The following SH3D19 variants were observed in gnomAD, a reference collection of about 807,000 sequenced individuals.
SH3D19 encodes the protein SH3 domain-containing protein 19.
In SH3D19, 58 loss-of-function variants were observed where a neutral mutation model predicts 112.1. The observed-to-expected ratio is 0.52, with a 90% CI of 0.42 to 0.64. The LOEUF (loss-of-function observed/expected upper bound fraction) is 0.64, where lower values mean the gene tolerates loss of function less well. Ranked by LOEUF, SH3D19 falls within the 30% of genes least tolerant of loss-of-function variation. The pLI is 0.00. For missense variants in SH3D19, 1,090 were observed against 1,263.4 expected, an observed-to-expected ratio of 0.86 and a Z score of 2.08; for synonymous variants, 391 against 448.5, an observed-to-expected ratio of 0.87 and a Z score of 1.62.
At chr4:151,203,062 G>A (rs1054709937) in intron 2 of SH3D19, among the ~76,000 whole-genome samples, 1 of 152,144 alleles carries the variant, frequency 6.6e-6, no homozygotes, top group Non-Finnish European at 1.5e-5. Context: ...TGTGACTGTT[G>A]GTGGTGGGGT....
intron 1 of SH3D19, among the ~76,000 whole-genome samples, chr4:151,301,384 C>A (rs1728406928): frequency 6.6e-6 from 1 of 152,358 alleles, no homozygotes; most frequent in Non-Finnish European, 1.5e-5. Context: ...TGTGCCACCA[C>A]ACCCAGCTAA....
chr4:151,144,925 A>G (rs533686388), intron 11 of SH3D19, among the ~76,000 whole-genome samples: 1 of 152,324 alleles, frequency 6.6e-6, no homozygotes, highest in Non-Finnish European at 1.5e-5. Flanking sequence ...TCTGTACTAT[A>G]TAAAAGGCAT....
intron 1 of SH3D19, among the ~76,000 whole-genome samples, chr4:151,277,388 C>G (rs946660584): frequency 6.6e-6 from 1 of 152,076 alleles, no homozygotes; most frequent in African/African-American, 2.4e-5. Flanking sequence ...TTCCAATGCT[C>G]CCGATTGGAA....
chr4:151,159,142 A>T (rs1756697898), intron 9 of SH3D19, 98 bp downstream of exon 9: 1 of 641,102 alleles, frequency 1.6e-6, no homozygotes, highest in East Asian at 3.3e-5. Context: ...CTTGTTTTTA[A>T]TCTGACCAGT....
intron 1 of SH3D19, among the ~76,000 whole-genome samples, chr4:151,256,000 C>A (rs566301044): frequency 2.2e-5 from 2 of 88,906 alleles, no homozygotes; most frequent in African/African-American, 8.0e-5. Context: ...AGAGGGAGAC[C>A]GTGGAAAGAG....
In SH3D19 at chr4:151,220,850, T is replaced by G. The variant is rs150721341; in HGVS notation, c.152+5197A>C. On this transcript the variant is annotated intron_variant, in intron 2 of 19. Transcript: ENST00000604030. ...TCACCATTTCATAAACTTTTCTGCA[T>G]ATTAACACTTATTTCTTGACATACT... Among the ~76,000 whole-genome samples, 58 of 152,342 alleles carry G rather than the reference T, an allele frequency of 3.8e-4. No individual in the cohort carries two copies. In the East Asian group the frequency reaches 0.011, roughly 28 times the overall value.
intron 1 of SH3D19, chr4:151,291,052 C>G: frequency 7.9e-7 from 1 of 1,261,390 alleles, no homozygotes; most frequent in South Asian, 1.4e-5. Context: ...ATTCTCCACC[C>G]CTTATTACTA....
chr4:151,264,096 T>C (rs901559893), intron 1 of SH3D19, among the ~76,000 whole-genome samples: 1 of 152,000 alleles, frequency 6.6e-6, no homozygotes, highest in African/African-American at 2.4e-5. Flanking sequence ...TGGGCAACCA[T>C]GCCTGGCCAG....
At chr4:151,305,040 G>A (rs775785561) in intron 1 of SH3D19, among the ~76,000 whole-genome samples, 14 of 152,174 alleles carry the variant, frequency 9.2e-5, no homozygotes, top group Non-Finnish European at 1.9e-4. Context: ...TGAAAATTCA[G>A]TGTCATGCAT....
At chr4:151,179,158 T>C (rs1179683142) in intron 4 of SH3D19, among the ~76,000 whole-genome samples, 197 bp downstream of exon 4, 1 of 152,200 alleles carries the variant, frequency 6.6e-6, no homozygotes, top group East Asian at 1.9e-4. Context: ...CAAAAGAACA[T>C]TTTCAAGCCT....
chr4:151,137,861 C>T lies in SH3D19; in HGVS notation c.2298G>A (p.Glu766=), dbSNP rs1349297311. Residue 766 remains glutamate, a splice_region_variant and synonymous_variant, in exon 14 of 20, where the codon GAG becomes GAA. Transcript: ENST00000604030. ...HAVVLHDFPA[E]QVDDLNLTSG... is the part of the protein sequence containing the mutation. ...AAGTGAGGTTCAAATCATCAACTTG[C>T]TCTGTAATATAAAATTATAGTTATG... 1 of 1,592,314 alleles carries T rather than the reference C, an allele frequency of 6.3e-7. No individual in the cohort carries two copies. The highest frequency in any genetic ancestry group is 1.4e-5 in the African/African-American group (1 of 73,564).
chr4:151,256,223 G>C (rs924341448), intron 1 of SH3D19, among the ~76,000 whole-genome samples: 17 of 152,158 alleles, frequency 1.1e-4, no homozygotes, highest in Non-Finnish European at 2.2e-4. Context: ...GGGGATATGA[G>C]ACTTGTCATC....
chr4:151,146,968 AT>A (rs1243969303), intron 11 of SH3D19, among the ~76,000 whole-genome samples: 3 of 152,124 alleles, frequency 2.0e-5, no homozygotes, highest in Non-Finnish European at 4.4e-5. Flanking sequence ...GACCACGATA[AT>A]TATTGGGCTT....
At chr4:151,148,825 G>C (rs1754412765) in intron 10 of SH3D19, among the ~76,000 whole-genome samples, 1 of 152,002 alleles carries the variant, frequency 6.6e-6, no homozygotes, top group African/African-American at 2.4e-5. Flanking sequence ...GGATCATGAG[G>C]TCATGAGATC....
chr4:151,232,658 G>A (rs1283052426), intron 1 of SH3D19, among the ~76,000 whole-genome samples: 1 of 152,114 alleles, frequency 6.6e-6, no homozygotes, highest in Non-Finnish European at 1.5e-5. Flanking sequence ...GGTATGAAAG[G>A]TTTAGTTCAA....
chr4:151,324,445 G>GT (rs1240529925), intron 1 of SH3D19, among the ~76,000 whole-genome samples: 2 of 151,966 alleles, frequency 1.3e-5, no homozygotes, highest in African/African-American at 4.8e-5. Flanking sequence ...CTTCCCTCTT[G>GT]TTTTCAGATA....
chr4:151,285,870 G>A (rs1030460216), intron 1 of SH3D19, among the ~76,000 whole-genome samples: 2 of 151,730 alleles, frequency 1.3e-5, no homozygotes, highest in African/African-American at 4.8e-5. Flanking sequence ...CTGTGGCTCT[G>A]TCTCTTAAAA....
chr4:151,242,661 A>C (rs1167045827), intron 1 of SH3D19, among the ~76,000 whole-genome samples: 1 of 152,222 alleles, frequency 6.6e-6, no homozygotes, highest in African/African-American at 2.4e-5. Flanking sequence ...TGAAAAGGAG[A>C]AAGTATATTT....
intron 2 of SH3D19, among the ~76,000 whole-genome samples, chr4:151,191,905 A>G (rs1762706105): frequency 6.8e-6 from 1 of 146,200 alleles, no homozygotes; most frequent in South Asian, 2.2e-4. Flanking sequence ...TCGGCCTCCC[A>G]AAGTGCTGGG....
Sources: allele counts gnomAD v4.1 joint callset (sites outside exome capture counted in the v4.1 genomes callset), GRCh38; gene constraint gnomAD v4.1.1; transcripts MANE v1.5; gene names NCBI Gene and HGNC (gene_info 2026-07-23, HGNC 2026-07-21).